The following SNTG1 variants were observed in gnomAD, a reference collection of about 807,000 sequenced individuals.
SNTG1 encodes the protein syntrophin gamma 1.
Under a neutral mutation model 74.7 loss-of-function variants are expected in SNTG1, and 39 were observed. The observed-to-expected ratio is 0.52, with a 90% CI of 0.40 to 0.68. The LOEUF (loss-of-function observed/expected upper bound fraction) is 0.68, where lower values mean the gene tolerates loss of function less well. Among genes scored for constraint, SNTG1 ranks in the 30% least tolerant of loss-of-function variants. The probability of loss-of-function intolerance (pLI) is 0.00; values close to 1 mark genes in which losing one functional copy is unlikely to be tolerated. For synonymous variants in SNTG1, 254 were observed against 217.1 expected (o/e 1.17, Z -1.49); for missense variants, 685 against 609.5 (o/e 1.12, Z -1.30).
rs553360170 is a variant in SNTG1 at position 49,991,501 on chromosome 8, A to G, written c.-103+79270A>G. 1.5e-4 allele frequency among the ~76,000 whole-genome samples: 23 copies of G among 152,342 alleles called. No homozygotes were observed. The South Asian group carries it at 4.6e-3, about 30-fold the overall frequency. On this transcript the variant is annotated intron_variant, in intron 1 of 18. Coordinates refer to ENST00000642720, the MANE Select transcript of SNTG1 (RefSeq NM_018967.5). ...CACAAAAACGTGTACAATATTATTCATAATAGCCAGAGGGTGAAAATAACC... is the reference window on the plus strand; with the variant it reads ...CACAAAAACGTGTACAATATTATTCGTAATAGCCAGAGGGTGAAAATAACC...
At chr8:50,705,885 C>T (rs763766950) in intron 16 of SNTG1, among the ~76,000 whole-genome samples, 5 of 152,188 alleles carry the variant, frequency 3.3e-5, no homozygotes, top group South Asian at 4.1e-4. Context: ...GGTTTTCATG[C>T]GCTTGCCACA....
In SNTG1 at chr8:50,788,145, A is replaced by G. The variant is rs567950768; in HGVS notation, c.1396-4526A>G. ...GAAATAAACCTATGAATAATGATGG[A>G]GCTATTTGTTTTTCTCTAATGACTG... On this transcript the variant is annotated intron_variant, in intron 18 of 18. Transcript: ENST00000642720. Among the ~76,000 whole-genome samples, 8 of 152,148 alleles carry G rather than the reference A, an allele frequency of 5.3e-5. No homozygotes were observed. The East Asian group carries it at 1.4e-3, about 26-fold the overall frequency.
Position 50,242,097 on chromosome 8 carries a change from G to A in SNTG1, c.-28+69462G>A, listed in dbSNP as rs539106893. Among the ~76,000 whole-genome samples the A allele has an allele frequency of 5.3e-3, 795 of 151,068 alleles. 2 individuals carry two copies. Among genetic ancestry groups the A allele is most frequent in the Non-Finnish European group, 8.2e-3 (554 of 67,802 alleles). ...CACACACATATCTACGTATATATACGTATACATATCTACATATATATGTAT... is the reference window on the plus strand; with the variant it reads ...CACACACATATCTACGTATATATACATATACATATCTACATATATATGTAT... On this transcript the variant is annotated intron_variant, in intron 2 of 18. Transcript: ENST00000642720.
chr8:50,413,790 A>G (rs2092980742), intron 4 of SNTG1, among the ~76,000 whole-genome samples: 1 of 149,924 alleles, frequency 6.7e-6, no homozygotes, highest in South Asian at 2.1e-4. Context: ...TCTAAAGGCA[A>G]CTCCTCCCAT....
chr8:50,320,804 C>T (rs1005853192), intron 2 of SNTG1, among the ~76,000 whole-genome samples: 7 of 151,956 alleles, frequency 4.6e-5, no homozygotes, highest in Non-Finnish European at 7.4e-5. Context: ...GTTTCATTTT[C>T]GTGTGTTTGT....
chr8:50,130,347 A>C (rs182407270), intron 1 of SNTG1, among the ~76,000 whole-genome samples: 31 of 152,232 alleles, frequency 2.0e-4, no homozygotes, highest in Non-Finnish European at 2.4e-4. Flanking sequence ...ATTTTTCATA[A>C]GTGAGGAAAC....
chr8:50,613,540 T>A (rs143534638), intron 13 of SNTG1, among the ~76,000 whole-genome samples: 1 of 152,194 alleles, frequency 6.6e-6, no homozygotes, highest in Non-Finnish European at 1.5e-5. Flanking sequence ...CATATTCTAA[T>A]GAATTGATGA....
At chr8:50,127,985 G>T (rs78583018) in intron 1 of SNTG1, among the ~76,000 whole-genome samples, 4,679 of 152,106 alleles carry the variant, frequency 0.031, 113 homozygotes, top group Middle Eastern at 0.075. Context: ...ATGCAAAACT[G>T]GTTATTAGAT....
chr8:50,310,377 A>G (rs115760542), intron 2 of SNTG1, among the ~76,000 whole-genome samples: 2,457 of 152,324 alleles, frequency 0.016, 67 homozygotes, highest in African/African-American at 0.056. Context: ...AAGCTTAAAC[A>G]GTCGCAATTT....
chr8:49,998,685 C>T (rs979923264), intron 1 of SNTG1, among the ~76,000 whole-genome samples: 2 of 151,686 alleles, frequency 1.3e-5, no homozygotes, highest in Non-Finnish European at 2.9e-5. Flanking sequence ...GCCTCCACAT[C>T]TTGTCCCCCT....
intron 13 of SNTG1, among the ~76,000 whole-genome samples, chr8:50,624,791 C>A (rs1287800215): frequency 6.6e-6 from 1 of 152,092 alleles, no homozygotes; most frequent in African/African-American, 2.4e-5. Context: ...TCTGAAAAAT[C>A]TATACTTTGA....
chr8:50,008,020 G>A (rs1815408925), intron 1 of SNTG1, among the ~76,000 whole-genome samples: 1 of 151,910 alleles, frequency 6.6e-6, no homozygotes, highest in African/African-American at 2.4e-5. Context: ...GGGGGATACT[G>A]CCCCCATGAT....
At chr8:50,319,025 C>T (rs2090426627) in intron 2 of SNTG1, among the ~76,000 whole-genome samples, 1 of 151,596 alleles carries the variant, frequency 6.6e-6, no homozygotes, top group African/African-American at 2.4e-5. Flanking sequence ...AACACATATA[C>T]ACATATATGT....
At chr8:50,295,413 A>C (rs1250284041) in intron 2 of SNTG1, among the ~76,000 whole-genome samples, 1 of 152,342 alleles carries the variant, frequency 6.6e-6, no homozygotes, top group African/African-American at 2.4e-5. Flanking sequence ...TTTACCTTAA[A>C]GGATATTTTT....
At chr8:50,500,123 C>T (rs975107507) in intron 8 of SNTG1, among the ~76,000 whole-genome samples, 2 of 151,884 alleles carry the variant, frequency 1.3e-5, no homozygotes, top group African/African-American at 2.4e-5. Flanking sequence ...AATTTTCAGA[C>T]ATTATATGTT....
chr8:50,656,799 T>C, intron 13 of SNTG1, 110 bp from the exon 14 acceptor site: 3 of 726,546 alleles, frequency 4.1e-6, no homozygotes, highest in Non-Finnish European at 4.5e-6. Flanking sequence ...TTTTTAATAC[T>C]ACATGAAAAA....
intron 1 of SNTG1, among the ~76,000 whole-genome samples, chr8:50,098,317 G>C (rs17687116): frequency 0.022 from 3,419 of 152,164 alleles, 68 homozygotes; most frequent in Non-Finnish European, 0.036. Flanking sequence ...GTAATATACA[G>C]TGGGCCCTTT....
intron 1 of SNTG1, among the ~76,000 whole-genome samples, chr8:50,002,294 C>T (rs541963854): frequency 1.4e-4 from 22 of 152,066 alleles, no homozygotes; most frequent in African/African-American, 5.1e-4. Flanking sequence ...GTATTTTTTT[C>T]TTTCTGATTT....
At chr8:50,648,080 T>C (rs2095121813) in intron 13 of SNTG1, among the ~76,000 whole-genome samples, 1 of 152,162 alleles carries the variant, frequency 6.6e-6, no homozygotes, top group African/African-American at 2.4e-5. Context: ...AAGAACTCCC[T>C]TTTCCTGTTT....
Sources: gnomAD v4.1 joint callset for allele counts (sites outside exome capture counted in the v4.1 genomes callset) on GRCh38, gnomAD v4.1.1 for gene constraint, MANE v1.5 for transcripts, NCBI Gene and HGNC (gene_info 2026-07-23, HGNC 2026-07-21) for gene names.